MME: variants seen among roughly 807,000 people sequenced by gnomAD.
MME encodes the protein neprilysin.
Under a neutral mutation model 113.2 loss-of-function variants are expected in MME, and 98 were observed. The ratio of observed to expected loss-of-function variants is 0.87; its 90% confidence interval spans 0.74 to 1.02. The LOEUF is 1.02. Ranked by LOEUF, MME falls within the 50% of genes least tolerant of loss-of-function variation. MME has a pLI of 0.00. For missense variants in MME, 836 were observed against 896.0 expected, an observed-to-expected ratio of 0.93 and a Z score of 0.86; for synonymous variants, 292 against 300.6, an observed-to-expected ratio of 0.97 and a Z score of 0.30.
At position 155,131,751 on chromosome 3, in the gene MME, A is replaced by G. The variant is rs1254225477; in HGVS notation, c.721-6351A>G. 2.0e-5 allele frequency among the ~76,000 whole-genome samples: 3 copies of G among 152,170 alleles called. No individual in the cohort carries two copies. The East Asian group carries it at 5.8e-4, about 29-fold the overall frequency. On this transcript the variant is annotated intron_variant, in intron 8 of 22. Coordinates refer to ENST00000360490, the MANE Select transcript of MME (RefSeq NM_007289.4). ...CTAGCGTCCTGCTCCACTGGGGGCT[A>G]TTTTTTATTTCCAGTGCCCAGAAAT...
At chr3:155,101,755 A>G (rs1203474619) in intron 3 of MME, among the ~76,000 whole-genome samples, 2 of 151,810 alleles carry the variant, frequency 1.3e-5, no homozygotes, top group Admixed American at 6.6e-5. Context: ...TGTGTGACTT[A>G]TTTCTGTTGC....
chr3:155,047,596 C>T (rs576720078), intron 1 of MME, among the ~76,000 whole-genome samples: 2 of 152,194 alleles, frequency 1.3e-5, no homozygotes, highest in East Asian at 1.9e-4. Flanking sequence ...CAGGAGTGTT[C>T]GCTCTACAAC....
chr3:155,118,887 AG>A, intron 8 of MME, 76 bp downstream of exon 8: 1 of 989,756 alleles, frequency 1.0e-6, no homozygotes, highest in Admixed American at 2.1e-5. Context: ...AAAAAGATAA[AG>A]CCAAATTAAA....
chr3:155,143,576 T>G lies in MME; in HGVS notation c.1317+5T>G. Reference sequence around the variant, plus strand: ...GCTGGAGAGAGTAAACATGTGGTAATGTTTTCAGAATAATACACTGTCAGT... The same window carrying G: ...GCTGGAGAGAGTAAACATGTGGTAAGGTTTTCAGAATAATACACTGTCAGT... On this transcript the variant is annotated splice_donor_5th_base_variant and intron_variant, in intron 13 of 22. Coordinates refer to ENST00000360490, the MANE Select transcript of MME (RefSeq NM_007289.4). 1.9e-6 allele frequency: 3 copies of G among 1,611,396 alleles called. No homozygotes were observed. The highest frequency in any genetic ancestry group is 2.5e-6 in the Non-Finnish European group (3 of 1,177,996).
chr3:155,079,639 T>TGGGGGGGGGGGGGGGGG (rs1253428536), upstream of MME: 1 of 89,840 alleles, frequency 1.1e-5, no homozygotes, highest in South Asian at 4.2e-4. Flanking sequence ...GTGGGGGGGG[T>TGGGGGGGGGGGGGGGGG]GGGCCGTGAG....
chr3:155,055,005 G>A (rs1223971431), intron 1 of MME, among the ~76,000 whole-genome samples: 1 of 152,118 alleles, frequency 6.6e-6, no homozygotes, highest in Non-Finnish European at 1.5e-5. Flanking sequence ...ATTGTTTGGA[G>A]CATCTATCTA....
intron 1 of MME, among the ~76,000 whole-genome samples, chr3:155,028,713 G>A (rs6770028): frequency 0.053 from 8,051 of 152,166 alleles, 621 homozygotes; most frequent in African/African-American, 0.17. Context: ...ATGATTTTTG[G>A]TAGCATTACA....
intron 1 of MME, among the ~76,000 whole-genome samples, chr3:155,050,079 G>A (rs1713708193): frequency 6.6e-6 from 1 of 152,094 alleles, no homozygotes; most frequent in Admixed American, 6.5e-5. Context: ...GTGAGAACAT[G>A]TCATATTTGG....
Position 155,037,434 on chromosome 3 carries a change from G to T in MME, c.-11+13110G>T, listed in dbSNP as rs532877811. Among the ~76,000 whole-genome samples, 4 of 152,230 alleles carry T rather than the reference G, an allele frequency of 2.6e-5. No homozygotes were observed. In the East Asian group the frequency reaches 5.8e-4, roughly 22 times the overall value. ...TGTTGGAAGAGACACAAAATGGTGG[G>T]GGCAAGATTCAAAGCCAGGCAGTCT... On this transcript the variant is annotated intron_variant, in intron 1 of 22. Transcript: ENST00000492661.
Position 155,114,988 on chromosome 3 carries a change from T to C in MME, c.197-6T>C, listed in dbSNP as rs759829959. ...ATTTTATCTAGTGTTTTCTCTGCTC[T>C]TGCAGCTGCTCGACTGATCCAAAAC... On this transcript the variant is annotated splice_polypyrimidine_tract_variant and splice_region_variant and intron_variant, in intron 3 of 22. Coordinates refer to ENST00000360490, the MANE Select transcript of MME (RefSeq NM_007289.4). 6.2e-7 allele frequency: 1 copy of C among 1,614,072 alleles called. No homozygotes were observed. The highest frequency in any genetic ancestry group is 2.2e-5 in the East Asian group (1 of 44,888).
chr3:155,173,481 C>T (rs940885896), intron 22 of MME, among the ~76,000 whole-genome samples: 21 of 151,750 alleles, frequency 1.4e-4, no homozygotes, highest in Non-Finnish European at 8.8e-5. Flanking sequence ...AAAACACATT[C>T]GATTATGGAG....
chr3:155,069,193 A>T (rs1714474970), intron 1 of MME, among the ~76,000 whole-genome samples: 1 of 152,236 alleles, frequency 6.6e-6, no homozygotes, highest in Admixed American at 6.5e-5. Context: ...GGATAAAAAC[A>T]GTCAAGGAAG....
intron 1 of MME, among the ~76,000 whole-genome samples, chr3:155,041,301 CTT>C (rs1246202200): frequency 6.6e-6 from 1 of 152,158 alleles, no homozygotes; most frequent in African/African-American, 2.4e-5. Flanking sequence ...TAATATCACT[CTT>C]GTTTAAATGC....
intron 1 of MME, among the ~76,000 whole-genome samples, chr3:155,054,467 C>T (rs987259738): frequency 3.9e-5 from 6 of 152,160 alleles, no homozygotes; most frequent in South Asian, 4.2e-4. Flanking sequence ...TGGACAATCA[C>T]GGATAGATTA....
upstream of MME, among the ~76,000 whole-genome samples, chr3:155,078,659 ATGTG>A (rs5853711): frequency 0.017 from 2,355 of 141,880 alleles, 25 homozygotes; most frequent in Non-Finnish European, 0.022. Flanking sequence ...ATGTGTGTGT[ATGTG>A]TGTGTGTGTG....
At chr3:155,166,600 C>T (rs1010165171) in intron 17 of MME, among the ~76,000 whole-genome samples, 1 of 152,166 alleles carries the variant, frequency 6.6e-6, no homozygotes, top group African/African-American at 2.4e-5. Flanking sequence ...TAAAGTGAAT[C>T]GTGATGATAA....
intron 22 of MME, among the ~76,000 whole-genome samples, chr3:155,175,687 C>T (rs75058707): frequency 0.074 from 11,283 of 152,098 alleles, 460 homozygotes; most frequent in South Asian, 0.14. Flanking sequence ...TTAGAACTGA[C>T]ACCACTATCA....
At chr3:155,136,171 A>G (rs1429457948) in intron 8 of MME, among the ~76,000 whole-genome samples, 1 of 152,118 alleles carries the variant, frequency 6.6e-6, no homozygotes, top group African/African-American at 2.4e-5. Flanking sequence ...TAGGACTTCC[A>G]GTACTGTGCT....
At position 155,143,527 on chromosome 3, in the gene MME, A is replaced by C. The variant is rs1341498036; in HGVS notation, c.1273A>C (p.Arg425=). Residue 425 remains arginine, a synonymous_variant, in exon 13 of 23, where the codon AGG becomes CGG. Transcript: ENST00000360490. ...TGGGAATATGGAAAATGCTGTGGGG[A>C]GGCTTTATGTGGAAGCAGCATTTGC... The part of the protein sequence containing the change: ...VNGNMENAVG[R]LYVEAAFAGE... The C allele has an allele frequency of 6.2e-7, 1 of 1,612,624 alleles. No homozygotes were observed. The highest frequency in any genetic ancestry group is 8.5e-7 in the Non-Finnish European group (1 of 1,179,020).
Sources: allele counts gnomAD v4.1 joint callset (sites outside exome capture counted in the v4.1 genomes callset), GRCh38; gene constraint gnomAD v4.1.1; transcripts MANE v1.5; gene names NCBI Gene and HGNC (gene_info 2026-07-23, HGNC 2026-07-21).